NSUN7: variants seen among roughly 807,000 people sequenced by gnomAD.
NSUN7 encodes NOP2/Sun RNA methyltransferase family member 7.
Under a neutral mutation model 58.5 loss-of-function variants are expected in NSUN7, and 39 were observed. That is an observed-to-expected ratio of 0.67 (90% CI 0.52 to 0.87). NSUN7 has a LOEUF of 0.87. NSUN7 is among the 40% of genes least tolerant of loss of function. The pLI, the probability that NSUN7 is intolerant of heterozygous loss-of-function variation, is 0.00. For missense variants in NSUN7, 765 were observed against 844.1 expected (o/e 0.91, Z 1.16); for synonymous variants, 278 against 303.7 (o/e 0.92, Z 0.88).
intron 7 of NSUN7, among the ~76,000 whole-genome samples, chr4:40,780,147 G>C (rs1455419778): frequency 6.6e-6 from 1 of 152,106 alleles, no homozygotes; most frequent in Admixed American, 6.5e-5. Flanking sequence ...CGGATGAGTG[G>C]TACAGGCTTG....
chr4:40,810,618 G>C lies in NSUN7; in HGVS notation c.*1679G>C. On this transcript the variant is annotated 3_prime_UTR_variant, in exon 12 of 12. Transcript: ENST00000381782. ...AAAAAAAAAGTGTCAATGAAGAAAGGAAACAAGACTTTTTATAGTTGAACC... is the reference window on the plus strand; with the variant it reads ...AAAAAAAAAGTGTCAATGAAGAAAGCAAACAAGACTTTTTATAGTTGAACC... The C allele has an allele frequency of 6.9e-6, 1 of 145,756 alleles. No homozygotes were observed. The highest frequency in any genetic ancestry group is 3.3e-3 in the Middle Eastern group (1 of 304). The allele number at this position is 145,756 out of a possible 1,614,324, so 9.0% of individuals were successfully genotyped here.
Position 40,808,379 on chromosome 4 carries a change from A to T in NSUN7, c.1597A>T (p.Ile533Phe). Residue 533 changes from isoleucine (I) to phenylalanine (F), a missense_variant, in exon 12 of 12, where the codon ATT becomes TTT. By Grantham distance (21) the Ile-to-Phe change is conservative. Transcript: ENST00000381782. ...RAAAKGLLDG[I>F]ELGKSSKREK... ...TGCAGCCAAGGGTCTGCTGGATGGG[A>T]TTGAGTTGGGTAAATCATCAAAACG... The T allele has an allele frequency of 6.2e-7, 1 of 1,614,156 alleles. No individual in the cohort carries two copies. Among genetic ancestry groups the T allele is most frequent in the Non-Finnish European group, 8.5e-7 (1 of 1,180,018 alleles).
chr4:40,770,678 T>A (rs913847361), intron 4 of NSUN7, among the ~76,000 whole-genome samples: 1 of 152,130 alleles, frequency 6.6e-6, no homozygotes, highest in Non-Finnish European at 1.5e-5. Flanking sequence ...TCTGAAAATT[T>A]AAAAAATGTA....
chr4:40,750,761 C>T lies in NSUN7; in HGVS notation c.68C>T (p.Thr23Ile). ...EEDPEIISQL[T>I]SLPLSGGKSS... The stretch of plus-strand genomic sequence containing the variant: ...GATCCCGAGATCATCTCCCAACTCA[C>T]TTCCCTGCCTCTGTCCGGTGGGAAA... The change falls in exon 2 of 12, where the codon ACT becomes ATT. Residue 23 changes from threonine to isoleucine, a missense_variant. Thr to Ile is a moderately conservative substitution (Grantham distance 89). Coordinates refer to ENST00000381782, the MANE Select transcript of NSUN7 (RefSeq NM_024677.6). 6.2e-7 allele frequency: 1 copy of T among 1,614,226 alleles called. No homozygotes were observed. The highest frequency in any genetic ancestry group is 8.5e-7 in the Non-Finnish European group (1 of 1,180,046).
At position 40,810,229 on chromosome 4, in the gene NSUN7, G is replaced by A. The variant is rs1206881050; in HGVS notation, c.*1290G>A. The A allele has an allele frequency of 2.6e-5, 4 of 152,024 alleles. No individual in the cohort carries two copies. Among genetic ancestry groups the A allele is most frequent in the Admixed American group, 6.6e-5 (1 of 15,256 alleles). The allele number at this position is 152,024 out of a possible 1,614,324, so 9.4% of individuals were successfully genotyped here. On this transcript the variant is annotated 3_prime_UTR_variant, in exon 12 of 12. Transcript: ENST00000381782. ...AGAGAATGGTGAATTGTATTATAGC[G>A]GTAATACATTATTTTTATTTTAGCT... is the stretch of plus-strand genomic sequence containing the variant.
intron 5 of NSUN7, 111 bp from the exon 6 acceptor site, chr4:40,774,656 A>T: frequency 1.3e-6 from 1 of 745,006 alleles, no homozygotes; most frequent in East Asian, 2.5e-5. Flanking sequence ...GTTCCATTAG[A>T]TGTAATGTAT....
intron 10 of NSUN7, among the ~76,000 whole-genome samples, chr4:40,801,678 A>C (rs887874877): frequency 5.9e-5 from 9 of 152,002 alleles, no homozygotes; most frequent in African/African-American, 2.2e-4. Flanking sequence ...TGGGTGGGCC[A>C]TTTGAGCTCA....
At chr4:40,802,678 C>G (rs1017188387) in intron 10 of NSUN7, among the ~76,000 whole-genome samples, 20 of 151,950 alleles carry the variant, frequency 1.3e-4, no homozygotes, top group Middle Eastern at 6.8e-3. Context: ...TTTATTGAAA[C>G]CTACAGTAGG....
intron 7 of NSUN7, among the ~76,000 whole-genome samples, chr4:40,780,168 T>A (rs1742458642): frequency 6.6e-6 from 1 of 152,122 alleles, no homozygotes; most frequent in Non-Finnish European, 1.5e-5. Flanking sequence ...TAGTCCCAGC[T>A]GCTTGGTAGG....
chr4:40,791,265 CTAAA>C (rs1251025580), intron 8 of NSUN7, among the ~76,000 whole-genome samples: 8 of 152,260 alleles, frequency 5.3e-5, no homozygotes, highest in African/African-American at 1.9e-4. Flanking sequence ...ATGTCTCAGA[CTAAA>C]TATAGAAGCA....
intron 4 of NSUN7, among the ~76,000 whole-genome samples, chr4:40,771,089 T>C (rs1741987883): frequency 6.6e-6 from 1 of 152,056 alleles, no homozygotes; most frequent in African/African-American, 2.4e-5. Flanking sequence ...AATGGCATAT[T>C]AGTTAAGATG....
chr4:40,793,781 G>C (rs559356416), intron 8 of NSUN7, among the ~76,000 whole-genome samples: 9 of 152,206 alleles, frequency 5.9e-5, no homozygotes, highest in African/African-American at 1.9e-4. Context: ...TCAAGAGGTC[G>C]TTAAAATAAT....
At chr4:40,788,347 G>A (rs931628929) in intron 7 of NSUN7, among the ~76,000 whole-genome samples, 1 of 152,184 alleles carries the variant, frequency 6.6e-6, no homozygotes, top group Non-Finnish European at 1.5e-5. Flanking sequence ...AAAGAAGTGA[G>A]TTTAGGTAGT....
intron 9 of NSUN7, among the ~76,000 whole-genome samples, chr4:40,797,250 G>T (rs1395527962): frequency 1.3e-5 from 2 of 152,028 alleles, no homozygotes; most frequent in African/African-American, 2.4e-5. Flanking sequence ...TTTTTTCTCT[G>T]CCTATACTTA....
chr4:40,787,846 T>C (rs893084588), intron 7 of NSUN7, among the ~76,000 whole-genome samples: 1 of 152,212 alleles, frequency 6.6e-6, no homozygotes, highest in Non-Finnish European at 1.5e-5. Flanking sequence ...TTATTTATTT[T>C]TTTGAGACGG....
At chr4:40,807,526 T>A (rs1034075058) in intron 11 of NSUN7, among the ~76,000 whole-genome samples, 2 of 152,034 alleles carry the variant, frequency 1.3e-5, no homozygotes, top group Non-Finnish European at 2.9e-5. Flanking sequence ...ATTTTTTTAT[T>A]TTTAGTAGAG....
intron 7 of NSUN7, among the ~76,000 whole-genome samples, chr4:40,785,810 T>C (rs895133806): frequency 3.9e-5 from 6 of 152,270 alleles, no homozygotes; most frequent in African/African-American, 1.2e-4. Context: ...GCTAAAATAC[T>C]ACCATTAGAG....
At chr4:40,767,807 C>T (rs985402128) in intron 4 of NSUN7, among the ~76,000 whole-genome samples, 4 of 152,172 alleles carry the variant, frequency 2.6e-5, no homozygotes, top group Admixed American at 6.5e-5. Context: ...CTGCTTCTCT[C>T]GTAGTATCTG....
intron 10 of NSUN7, among the ~76,000 whole-genome samples, chr4:40,803,339 C>G (rs1222537951): frequency 6.6e-6 from 1 of 152,086 alleles, no homozygotes. Flanking sequence ...ATTTTTAGTT[C>G]TAGATCCCTG....
Sources: gnomAD v4.1 joint callset for allele counts (sites outside exome capture counted in the v4.1 genomes callset) on GRCh38, gnomAD v4.1.1 for gene constraint, MANE v1.5 for transcripts, NCBI Gene and HGNC (gene_info 2026-07-23, HGNC 2026-07-21) for gene names.